ZBTB42: variants seen among roughly 807,000 people sequenced by gnomAD.
ZBTB42 encodes the protein zinc finger and BTB domain containing 42, also known as zinc finger and BTB domain-containing protein 42.
Under a neutral mutation model 4.7 loss-of-function variants are expected in ZBTB42, and 3 were observed. That is an observed-to-expected ratio of 0.64 (90% CI 0.29 to 1.66). The LOEUF (loss-of-function observed/expected upper bound fraction) is 1.66, where lower values mean the gene tolerates loss of function less well. ZBTB42 is among the 40% of genes most tolerant of loss of function. The pLI is 0.10. For missense variants in ZBTB42, 521 were observed against 577.1 expected, an observed-to-expected ratio of 0.90 and a Z score of 1.00; for synonymous variants, 255 against 259.5, an observed-to-expected ratio of 0.98 and a Z score of 0.17.
At position 104,801,798 on chromosome 14, in the gene ZBTB42, G is replaced by A. The variant is rs770785649; in HGVS notation, c.601G>A (p.Val201Ile). The change falls in exon 1 of 1, where the codon GTC (valine) becomes ATC (isoleucine). Residue 201 changes from valine (V) to isoleucine (I), a missense_variant. Val to Ile is a conservative substitution (Grantham distance 29, BLOSUM62 3). Transcript: ENST00000342537. The surrounding 1 kb of genome is among the most constrained non-coding windows in gnomAD (Gnocchi z 4.4). ...GAAGTCTGGCCCAAGGCAGGAGCGG[G>A]TCCACCCACCGTGCGTCCTCCAGAC... Reference protein sequence around the residue: ...SLKSGPRQERVHPPCVLQTPL... With the variant: ...SLKSGPRQERIHPPCVLQTPL... 1.8e-4 allele frequency: 276 copies of A among 1,549,772 alleles called. 1 individual carries two copies. The highest frequency in any genetic ancestry group is 2.2e-4 in the Non-Finnish European group (250 of 1,146,744).
rs1224208520 is a variant in ZBTB42 at position 104,801,443 on chromosome 14, C to G, written c.246C>G (p.Phe82Leu). 1 of 1,550,004 alleles carries G rather than the reference C, an allele frequency of 6.5e-7. No individual in the cohort carries two copies. ...CCGCCTTCGGCCGCCTACTGGACTT[C>G]ATGTACGAGGGCCGCCTGGACCTGC... The part of the protein sequence containing the change: ...TAPAFGRLLD[F>L]MYEGRLDLRS... The change falls in exon 1 of 1, where the codon TTC becomes TTG. Residue 82 changes from phenylalanine (F) to leucine (L), a missense_variant. Coordinates refer to ENST00000342537, the MANE Select transcript of ZBTB42 (RefSeq NM_001137601.3). This position sits in a 1 kb window ranked among gnomAD's most constrained non-coding sequence, Gnocchi z 4.4.
At position 104,804,148 on chromosome 14, in the gene ZBTB42, G is replaced by GTGTGTGTGTGTGTGTGTGTGT. The variant is rs1555386426; in HGVS notation, c.*1682_*1683insTGTGTGTGTGTGTGTGTGTGT. On this transcript the variant is annotated 3_prime_UTR_variant, in exon 1 of 1. Transcript: ENST00000342537. Reference sequence around the variant, plus strand: ...TGATGTGCTCCATAATCGGGTGGGGGGTGTGTGTGTGTGTGTGTGTGTGTG... The same window carrying GTGTGTGTGTGTGTGTGTGTGT: ...TGATGTGCTCCATAATCGGGTGGGGGTGTGTGTGTGTGTGTGTGTGTGTGTGTGTGTGTGTGTGTGTGTGTG... The GTGTGTGTGTGTGTGTGTGTGT allele has an allele frequency of 6.4e-6, 1 of 156,722 alleles. No homozygotes were observed. Among genetic ancestry groups the GTGTGTGTGTGTGTGTGTGTGT allele is most frequent in the African/African-American group, 2.6e-5 (1 of 38,542 alleles). 9.7% of individuals were successfully genotyped at this position (156,722 alleles called of 1,614,324 possible).
rs1466289461 is a variant in ZBTB42 at position 104,801,943 on chromosome 14, C to T, written c.746C>T (p.Pro249Leu). The T allele has an allele frequency of 2.0e-6, 3 of 1,531,102 alleles. No individual in the cohort carries two copies. Among genetic ancestry groups the T allele is most frequent in the Admixed American group, 4.0e-5 (2 of 50,008 alleles). The allele number at this position is 1,531,102 out of a possible 1,614,324, so 94.8% of individuals were successfully genotyped here. The part of the protein sequence containing the change: ...SRSPHSPPKP[P>L]PVPAAKGLVV... ...AGCCCCCACAGTCCCCCGAAGCCAC[C>T]TCCTGTTCCTGCAGCCAAGGGCCTG... is the stretch of plus-strand genomic sequence containing the variant. Residue 249 changes from proline (P) to leucine (L), a missense_variant, in exon 1 of 1, where the codon CCT becomes CTT. Pro to Leu is a moderately conservative substitution (Grantham distance 98). Coordinates refer to ENST00000342537, the MANE Select transcript of ZBTB42 (RefSeq NM_001137601.3). This position sits in a 1 kb window ranked among gnomAD's most constrained non-coding sequence, Gnocchi z 4.4.
At position 104,801,831 on chromosome 14, in the gene ZBTB42, TGCAGCCAGAG is replaced by T. The variant is rs1894049033; in HGVS notation, c.643_652del (p.Arg215GlyfsTer6). On this transcript the variant is annotated frameshift_variant, in exon 1 of 1. Coordinates refer to ENST00000342537, the MANE Select transcript of ZBTB42 (RefSeq NM_001137601.3). LOFTEE classifies it low-confidence loss of function (END_TRUNC). The surrounding 1 kb of genome is among the most constrained non-coding windows in gnomAD (Gnocchi z 4.4). ...ACCGTGCGTCCTCCAGACACCCCTC[TGCAGCCAGAG>T]GCAGCCAGGGGCCCAGCCACTGGTG... 1 of 1,550,160 alleles carries T rather than the reference TGCAGCCAGAG, an allele frequency of 6.5e-7. No homozygotes were observed.
In ZBTB42 at chr14:104,802,112, C is replaced by G. The variant is rs550382372; in HGVS notation, c.915C>G (p.Ser305Arg). The change falls in exon 1 of 1, where the codon AGC (serine) becomes AGG (arginine). Residue 305 changes from serine to arginine, a missense_variant. Coordinates refer to ENST00000342537, the MANE Select transcript of ZBTB42 (RefSeq NM_001137601.3). The surrounding 1 kb of genome is among the most constrained non-coding windows in gnomAD (Gnocchi z 5.9). ...ICPLCSKLFP[S>R]SHVLQLHLSA... ...CGTTGTGCAGCAAGCTGTTTCCCAG[C>G]TCCCACGTGCTGCAGCTGCACCTCA... 6.5e-7 allele frequency: 1 copy of G among 1,528,778 alleles called. No homozygotes were observed. The highest frequency in any genetic ancestry group is 1.4e-5 in the African/African-American group (1 of 72,978). 94.7% of individuals were successfully genotyped at this position (1,528,778 alleles called of 1,614,324 possible). A position where few individuals can be genotyped will look rare whatever the true frequency, so the allele number is the denominator to read the frequency against.
Position 104,804,403 on chromosome 14 carries a change from T to C in ZBTB42, c.*1937T>C, listed in dbSNP as rs905091652. The C allele has an allele frequency of 6.0e-6, 1 of 166,890 alleles. No individual in the cohort carries two copies. Among genetic ancestry groups the C allele is most frequent in the African/African-American group, 2.4e-5 (1 of 41,452 alleles). 10.3% of individuals were successfully genotyped at this position (166,890 alleles called of 1,614,324 possible). A position where few individuals can be genotyped will look rare whatever the true frequency, so the allele number is the denominator to read the frequency against. On this transcript the variant is annotated 3_prime_UTR_variant, in exon 1 of 1. Coordinates refer to ENST00000342537, the MANE Select transcript of ZBTB42 (RefSeq NM_001137601.3). ...ACTGTGAAGATAACGTAAGGAGAAG[T>C]GGTCAGTTTTCATTTTATAACTGAC...
Position 104,801,692 on chromosome 14 carries a change from G to A in ZBTB42, c.495G>A (p.Lys165=). 1 of 1,550,270 alleles carries A rather than the reference G, an allele frequency of 6.5e-7. No homozygotes were observed. Among genetic ancestry groups the A allele is most frequent in the Non-Finnish European group, 8.7e-7 (1 of 1,146,940 alleles). The stretch of plus-strand genomic sequence containing the variant: ...CCAAGCTCCCCCCGTTTGGGGTCAA[G>A]GCTGCCCTCCCTCCTCGAGCATCTG... The part of the protein sequence containing the change: ...RKAKLPPFGV[K]AALPPRASGP... The change falls in exon 1 of 1, where the codon AAG becomes AAA. Residue 165 remains lysine (K), a synonymous_variant. Coordinates refer to ENST00000342537, the MANE Select transcript of ZBTB42 (RefSeq NM_001137601.3). The surrounding 1 kb of genome is among the most constrained non-coding windows in gnomAD (Gnocchi z 4.4).
chr14:104,801,072 G>C, upstream of ZBTB42: 1 of 1,275,854 alleles, frequency 7.8e-7, no homozygotes, highest in Non-Finnish European at 1.0e-6. The surrounding 1 kb of genome is among the most constrained non-coding windows in gnomAD (Gnocchi z 4.4). Flanking sequence ...CTCTGGACGG[G>C]AGGTTGCGCG....
At position 104,802,499 on chromosome 14, in the gene ZBTB42, A is replaced by G. The variant is rs550104413; in HGVS notation, c.*33A>G. On this transcript the variant is annotated 3_prime_UTR_variant, in exon 1 of 1. Coordinates refer to ENST00000342537, the MANE Select transcript of ZBTB42 (RefSeq NM_001137601.3). The surrounding 1 kb of genome is among the most constrained non-coding windows in gnomAD (Gnocchi z 5.9). ...CTGTGGGTCCTGAGGGTGGGGTGGA[A>G]GGGAAGGGATGGGCCCTCCCAGGTG... 2.9e-5 allele frequency: 45 copies of G among 1,531,340 alleles called. No homozygotes were observed. In the African/African-American group the frequency reaches 3.4e-4, roughly 12 times the overall value. The allele number at this position is 1,531,340 out of a possible 1,614,324, so 94.9% of individuals were successfully genotyped here.
Position 104,802,268 on chromosome 14 carries a change from G to C in ZBTB42, c.1071G>C (p.Ser357=). ...TGAAGAGGCACGAGCGGACACACTCGGGTGAGAAGCCCTATACGTGTGTGC... is the reference window on the plus strand; with the variant it reads ...TGAAGAGGCACGAGCGGACACACTCCGGTGAGAAGCCCTATACGTGTGTGC... The part of the protein sequence containing the change: ...YTLKRHERTH[S]GEKPYTCVQC... The change falls in exon 1 of 1, where the codon TCG becomes TCC. Residue 357 remains serine (S), a synonymous_variant. Transcript: ENST00000342537. This position sits in a 1 kb window ranked among gnomAD's most constrained non-coding sequence, Gnocchi z 5.9. 2 of 1,550,346 alleles carry C rather than the reference G, an allele frequency of 1.3e-6. No individual in the cohort carries two copies. Among genetic ancestry groups the C allele is most frequent in the Non-Finnish European group, 1.7e-6 (2 of 1,146,976 alleles).
At chr14:104,800,886 C>A, upstream of ZBTB42, 1 of 196,172 alleles carries the variant, frequency 5.1e-6, no homozygotes, top group South Asian at 1.9e-4. This position sits in a 1 kb window ranked among gnomAD's most constrained non-coding sequence, Gnocchi z 5.3. Context: ...GCGTCGGGGA[C>A]GCCGCGAGCG....
Position 104,802,592 on chromosome 14 carries a change from C to A in ZBTB42, c.*126C>A. 7.4e-7 allele frequency: 1 copy of A among 1,355,444 alleles called. No homozygotes were observed. Among genetic ancestry groups the A allele is most frequent in the Non-Finnish European group, 9.9e-7 (1 of 1,012,428 alleles). The allele number at this position is 1,355,444 out of a possible 1,614,324, so 84.0% of individuals were successfully genotyped here. The stretch of plus-strand genomic sequence containing the variant: ...TGCTTGGGCCAGATGGCTCCACCCT[C>A]CTGGCAGAGAGAATGCTGCCTCTTC... On this transcript the variant is annotated 3_prime_UTR_variant, in exon 1 of 1. Coordinates refer to ENST00000342537, the MANE Select transcript of ZBTB42 (RefSeq NM_001137601.3). This position sits in a 1 kb window ranked among gnomAD's most constrained non-coding sequence, Gnocchi z 5.9.
At position 104,802,290 on chromosome 14, in the gene ZBTB42, G is replaced by A; in HGVS notation, c.1093G>A (p.Val365Met). 1 of 1,550,464 alleles carries A rather than the reference G, an allele frequency of 6.4e-7. No individual in the cohort carries two copies. The highest frequency in any genetic ancestry group is 1.7e-4 in the Middle Eastern group (1 of 5,990). The change falls in exon 1 of 1, where the codon GTG becomes ATG. Residue 365 changes from valine to methionine, a missense_variant. Transcript: ENST00000342537. This position sits in a 1 kb window ranked among gnomAD's most constrained non-coding sequence, Gnocchi z 5.9. ...CTCGGGTGAGAAGCCCTATACGTGTGTGCAGTGTGGCAAAAGTTTTCAGTA... is the reference window on the plus strand; with the variant it reads ...CTCGGGTGAGAAGCCCTATACGTGTATGCAGTGTGGCAAAAGTTTTCAGTA... The part of the protein sequence containing the change: ...THSGEKPYTC[V>M]QCGKSFQYSH...
chr14:104,800,573 C>G (rs1009899811), upstream of ZBTB42: 35 of 147,962 alleles, frequency 2.4e-4, no homozygotes, highest in African/African-American at 8.0e-4. The surrounding 1 kb of genome is among the most constrained non-coding windows in gnomAD (Gnocchi z 5.3). Flanking sequence ...CGCGCCCCGC[C>G]CGGCGCCCTC....
At position 104,803,306 on chromosome 14, in the gene ZBTB42, A is replaced by G. The variant is rs1595274140; in HGVS notation, c.*840A>G. 1 of 166,950 alleles carries G rather than the reference A, an allele frequency of 6.0e-6. No homozygotes were observed. The highest frequency in any genetic ancestry group is 1.5e-5 in the Non-Finnish European group (1 of 68,164). 10.3% of individuals were successfully genotyped at this position (166,950 alleles called of 1,614,324 possible). On this transcript the variant is annotated 3_prime_UTR_variant, in exon 1 of 1. Coordinates refer to ENST00000342537, the MANE Select transcript of ZBTB42 (RefSeq NM_001137601.3). ...GATGTCTGCTGGTGGCCGCCCAGCC[A>G]CATGCTTGTCTGCCTGAGTGCAGGT...
chr14:104,802,095 AGCAAGCTGTTTCCCAGCTCCCACGTGCT>A lies in ZBTB42; in HGVS notation c.902_929del (p.Lys301SerfsTer40). The A allele has an allele frequency of 1.3e-6, 2 of 1,521,112 alleles. No homozygotes were observed. Among genetic ancestry groups the A allele is most frequent in the South Asian group, 2.4e-5 (2 of 81,998 alleles). 94.2% of individuals were successfully genotyped at this position (1,521,112 alleles called of 1,614,324 possible). A position where few individuals can be genotyped will look rare whatever the true frequency, so the allele number is the denominator to read the frequency against. On this transcript the variant is annotated frameshift_variant, in exon 1 of 1. Coordinates refer to ENST00000342537, the MANE Select transcript of ZBTB42 (RefSeq NM_001137601.3). LOFTEE classifies it low-confidence loss of function (END_TRUNC). This position sits in a 1 kb window ranked among gnomAD's most constrained non-coding sequence, Gnocchi z 5.9. ...GCCCCTCTGCATCTGCCCGTTGTGC[AGCAAGCTGTTTCCCAGCTCCCACGTGCT>A]GCAGCTGCACCTCAGTGCCCACTTC...
chr14:104,801,412 C>T lies in ZBTB42; in HGVS notation c.215C>T (p.Thr72Met), dbSNP rs1894039617. 1.9e-6 allele frequency: 3 copies of T among 1,548,132 alleles called. No homozygotes were observed. Among genetic ancestry groups the T allele is most frequent in the East Asian group, 2.4e-5 (1 of 40,844 alleles). The part of the protein sequence containing the change: ...DTVRLNGDIV[T>M]APAFGRLLDF... ...GTGCGGCTCAACGGCGACATCGTCA[C>T]GGCGCCCGCCTTCGGCCGCCTACTG... The change falls in exon 1 of 1, where the codon ACG (threonine) becomes ATG (methionine). Residue 72 changes from threonine (T) to methionine (M), a missense_variant. Coordinates refer to ENST00000342537, the MANE Select transcript of ZBTB42 (RefSeq NM_001137601.3). The surrounding 1 kb of genome is among the most constrained non-coding windows in gnomAD (Gnocchi z 4.4).
rs1422545476 is a variant in ZBTB42 at position 104,804,155 on chromosome 14, G to GTA, written c.*1690_*1691insAT. 1 of 166,244 alleles carries GTA rather than the reference G, an allele frequency of 6.0e-6. No homozygotes were observed. Among genetic ancestry groups the GTA allele is most frequent in the African/African-American group, 2.4e-5 (1 of 41,306 alleles). 10.3% of individuals were successfully genotyped at this position (166,244 alleles called of 1,614,324 possible). A position where few individuals can be genotyped will look rare whatever the true frequency, so the allele number is the denominator to read the frequency against. ...CTCCATAATCGGGTGGGGGGTGTGT[G>GTA]TGTGTGTGTGTGTGTGTGTATGTAT... On this transcript the variant is annotated 3_prime_UTR_variant, in exon 1 of 1. Transcript: ENST00000342537.
chr14:104,802,040 G>A lies in ZBTB42; in HGVS notation c.843G>A (p.Leu281=). 1 of 1,496,370 alleles carries A rather than the reference G, an allele frequency of 6.7e-7. No homozygotes were observed. The highest frequency in any genetic ancestry group is 8.9e-7 in the Non-Finnish European group (1 of 1,122,862). 92.7% of individuals were successfully genotyped at this position (1,496,370 alleles called of 1,614,324 possible). ...SRELELGAGR[L]ASEDELGPGG... Reference sequence around the variant, plus strand: ...AGCTGGAGCTTGGTGCAGGGCGACTGGCGAGTGAGGACGAGCTGGGGCCTG... The same window carrying A: ...AGCTGGAGCTTGGTGCAGGGCGACTAGCGAGTGAGGACGAGCTGGGGCCTG... Residue 281 remains leucine (L), a synonymous_variant, in exon 1 of 1, where the codon CTG becomes CTA. Coordinates refer to ENST00000342537, the MANE Select transcript of ZBTB42 (RefSeq NM_001137601.3). The surrounding 1 kb of genome is among the most constrained non-coding windows in gnomAD (Gnocchi z 5.9).
Sources: gnomAD v4.1 joint callset for allele counts on GRCh38, gnomAD v4.1.1 for gene constraint, Gnocchi (gnomAD v3.1) non-coding constraint, MANE v1.5 for transcripts, NCBI Gene and HGNC (gene_info 2026-07-23, HGNC 2026-07-21) for gene names.